Variants in CDK5RAP2 observed in about 807,000 individuals in gnomAD.
CDK5RAP2 encodes CDK5 regulatory subunit associated protein 2.
Under a neutral mutation model 232.9 loss-of-function variants are expected in CDK5RAP2, and 147 were observed. That is an observed-to-expected ratio of 0.63 (90% CI 0.55 to 0.72). CDK5RAP2 has a LOEUF of 0.72. Ranked by LOEUF, CDK5RAP2 falls within the 30% of genes least tolerant of loss-of-function variation. The pLI, the probability that CDK5RAP2 is intolerant of heterozygous loss-of-function variation, is 0.00. For missense variants in CDK5RAP2, 2,195 were observed against 2,231.5 expected (o/e 0.98, Z 0.33); for synonymous variants, 833 against 833.7 (o/e 1.00, Z 0.01).
intron 12 of CDK5RAP2, among the ~76,000 whole-genome samples, chr9:120,496,859 A>G (rs2039301555): frequency 1.4e-5 from 2 of 139,812 alleles, no homozygotes; most frequent in East Asian, 2.3e-4. Context: ...GGCCGCCCCT[A>G]CTGGGAGGTG....
chr9:120,465,365 G>A (rs1259356327), intron 18 of CDK5RAP2, among the ~76,000 whole-genome samples: 1 of 152,070 alleles, frequency 6.6e-6, no homozygotes, highest in African/African-American at 2.4e-5. Flanking sequence ...GAGAAAATAG[G>A]TGCAACCTCA....
chr9:120,570,391 C>T (rs2042809878), intron 2 of CDK5RAP2, among the ~76,000 whole-genome samples: 1 of 152,230 alleles, frequency 6.6e-6, no homozygotes, highest in Non-Finnish European at 1.5e-5. Flanking sequence ...TCCCCTCTCA[C>T]AGCACTTGAT....
At chr9:120,552,770 G>C (rs1564370807) in intron 3 of CDK5RAP2, among the ~76,000 whole-genome samples, 1 of 151,488 alleles carries the variant, frequency 6.6e-6, no homozygotes, top group African/African-American at 2.4e-5. Flanking sequence ...GTGCAGCACA[G>C]CAACATGGCA....
chr9:120,550,894 A>G lies in CDK5RAP2; in HGVS notation c.204T>C (p.Thr68=). ...GGTTAAAGTTTTCTTTCTTCAATTC[A>G]GTGATTTGCTGAAAAATATCACAGA... ...RNMKDFENQI[T]ELKKENFNLK... is the part of the protein sequence containing the mutation. Residue 68 remains threonine (T), a synonymous_variant, in exon 4 of 38, where the codon ACT becomes ACC. Transcript: ENST00000349780. 6.2e-7 allele frequency: 1 copy of G among 1,601,130 alleles called. No homozygotes were observed. Among genetic ancestry groups the G allele is most frequent in the South Asian group, 1.1e-5 (1 of 90,816 alleles).
chr9:120,439,943 C>G lies in CDK5RAP2; in HGVS notation c.3178G>C (p.Ala1060Pro). 2.5e-6 allele frequency: 4 copies of G among 1,614,014 alleles called. No individual in the cohort carries two copies. The highest frequency in any genetic ancestry group is 3.4e-6 in the Non-Finnish European group (4 of 1,180,002). ...TTTTCTTTGCATGATGGCAAGCTGG[C>G]AAGGTCATCAGGTGGGCAAATCTCA... ...DSEICPPDDL[A>P]SLPSCKENPE... The change falls in exon 24 of 38, where the codon GCC becomes CCC. Residue 1060 changes from alanine to proline, a missense_variant. Ala to Pro is a conservative substitution (Grantham distance 27). Transcript: ENST00000349780.
At chr9:120,562,563 C>T (rs1013689429) in intron 3 of CDK5RAP2, among the ~76,000 whole-genome samples, 1 of 152,062 alleles carries the variant, frequency 6.6e-6, no homozygotes, top group Non-Finnish European at 1.5e-5. Context: ...TCAGCCACTT[C>T]CACTGAGCGG....
At position 120,422,679 on chromosome 9, in the gene CDK5RAP2, T is replaced by C. The variant is rs528838642; in HGVS notation, c.4004+14A>G. 5.0e-6 allele frequency: 8 copies of C among 1,604,266 alleles called. No individual in the cohort carries two copies. Among genetic ancestry groups the C allele is most frequent in the African/African-American group, 2.7e-5 (2 of 74,836 alleles). ...AGTCCTGGGAAGTCTTCTTAACAAA[T>C]GTTACACACTCACCTCTCCATCAGT... On this transcript the variant is annotated intron_variant, in intron 26 of 37. Transcript: ENST00000349780.
In CDK5RAP2 at chr9:120,556,432, CT is replaced by C. The variant is rs34296658; in HGVS notation, c.196-5531del. 9.9e-3 allele frequency among the ~76,000 whole-genome samples: 1,428 copies of C among 144,190 alleles called. 12 individuals are homozygous for C. The highest frequency in any genetic ancestry group is 0.026 in the African/African-American group (1,041 of 39,602). The allele number at this position is 144,190 out of a possible 152,430, so 94.6% of individuals were successfully genotyped here. On this transcript the variant is annotated intron_variant, in intron 3 of 37. Coordinates refer to ENST00000349780, the MANE Select transcript of CDK5RAP2 (RefSeq NM_018249.6). ...CATATCATATTCTTTTTAGTAAATA[CT>C]TTTTTTTTTTTTTGAGACAGAGTCT...
At chr9:120,549,978 T>C (rs1190148085) in intron 4 of CDK5RAP2, among the ~76,000 whole-genome samples, 1 of 152,206 alleles carries the variant, frequency 6.6e-6, no homozygotes, top group Non-Finnish European at 1.5e-5. Flanking sequence ...GAGAGTTCTT[T>C]TTCCTCCTTC....
intron 15 of CDK5RAP2, among the ~76,000 whole-genome samples, chr9:120,472,834 T>C (rs1364442763): frequency 6.6e-6 from 1 of 152,256 alleles, no homozygotes; most frequent in East Asian, 1.9e-4. Flanking sequence ...ATCTTCACTG[T>C]CAACTACAGT....
intron 3 of CDK5RAP2, among the ~76,000 whole-genome samples, chr9:120,556,131 G>A (rs1485078640): frequency 6.6e-6 from 1 of 152,082 alleles, no homozygotes; most frequent in Non-Finnish European, 1.5e-5. Flanking sequence ...CACGTGCCAA[G>A]AACTGCACAC....
rs2040910795 is a variant in CDK5RAP2, at chr9:120,526,584, TG to T, written c.999+1221del. 2.0e-5 allele frequency among the ~76,000 whole-genome samples: 3 copies of T among 152,324 alleles called. No homozygotes were observed. The South Asian group carries it at 6.2e-4, about 32-fold the overall frequency. On this transcript the variant is annotated intron_variant, in intron 10 of 37. Transcript: ENST00000349780. The stretch of plus-strand genomic sequence containing the variant: ...CTTTCTTGGCTCTCACTGAGGCTAC[TG>T]GTCTCCCAGCCTCCATTCTCTCCCT...
intron 12 of CDK5RAP2, among the ~76,000 whole-genome samples, chr9:120,501,582 G>A (rs2039577698): frequency 6.6e-6 from 1 of 152,164 alleles, no homozygotes; most frequent in Admixed American, 6.5e-5. Flanking sequence ...CAAGAGGTGT[G>A]GAGTCTATGT....
chr9:120,484,311 C>T (rs561580916), intron 14 of CDK5RAP2, among the ~76,000 whole-genome samples: 2 of 152,238 alleles, frequency 1.3e-5, no homozygotes, highest in South Asian at 2.1e-4. Context: ...CCGGGGGAGT[C>T]GGGGGTACGA....
At chr9:120,436,125 A>T (rs1207153425) in intron 25 of CDK5RAP2, among the ~76,000 whole-genome samples, 2 of 152,250 alleles carry the variant, frequency 1.3e-5, no homozygotes, top group South Asian at 2.1e-4. Flanking sequence ...ATCAAAGTTA[A>T]TATCACCAAA....
At chr9:120,578,830 G>T (rs550318160) in intron 1 of CDK5RAP2, among the ~76,000 whole-genome samples, 63 of 152,216 alleles carry the variant, frequency 4.1e-4, no homozygotes, top group African/African-American at 1.5e-3. Context: ...GCCTCCCCAA[G>T]GGCTAGGATT....
intron 25 of CDK5RAP2, among the ~76,000 whole-genome samples, chr9:120,426,174 C>T (rs919229638): frequency 6.6e-6 from 1 of 152,152 alleles, no homozygotes; most frequent in Non-Finnish European, 1.5e-5. Flanking sequence ...CATGCATGCC[C>T]CATTATTATT....
chr9:120,505,207 G>A lies in CDK5RAP2; in HGVS notation c.1311+13220C>T, dbSNP rs566954081. On this transcript the variant is annotated intron_variant, in intron 12 of 37. Transcript: ENST00000349780. ...TGTGTTCATTTCGTGTCTCTGTGTC[G>A]CCTTTTGGTAATTCTTGCAATATGT... Among the ~76,000 whole-genome samples, 65 of 152,002 alleles carry A rather than the reference G, an allele frequency of 4.3e-4. 1 individual carries two copies. Among genetic ancestry groups the A allele is most frequent in the South Asian group, 3.1e-3 (15 of 4,804 alleles).
intron 12 of CDK5RAP2, among the ~76,000 whole-genome samples, chr9:120,501,324 T>C (rs2039566337): frequency 6.6e-6 from 1 of 152,244 alleles, no homozygotes; most frequent in Admixed American, 6.5e-5. Context: ...CAGTCTTCCC[T>C]GACCATCCAC....
Sources: gnomAD v4.1 joint callset for allele counts (sites outside exome capture counted in the v4.1 genomes callset) on GRCh38, gnomAD v4.1.1 for gene constraint, MANE v1.5 for transcripts, NCBI Gene and HGNC (gene_info 2026-07-23, HGNC 2026-07-21) for gene names.